ALDH1A1: variants seen among roughly 807,000 people sequenced by gnomAD.
The protein encoded by ALDH1A1 is aldehyde dehydrogenase 1 family member A1, also known as aldehyde dehydrogenase 1A1.
In ALDH1A1, 19 loss-of-function variants were observed where a neutral mutation model predicts 62.1. That is an observed-to-expected ratio of 0.31 (90% CI 0.21 to 0.45). ALDH1A1 has a LOEUF of 0.45. Among genes scored for constraint, ALDH1A1 ranks in the 20% least tolerant of loss-of-function variants. The pLI, the probability that ALDH1A1 is intolerant of heterozygous loss-of-function variation, is 1.00. For missense variants in ALDH1A1, 521 were observed against 607.1 expected (o/e 0.86, Z 1.49); for synonymous variants, 231 against 215.9 (o/e 1.07, Z -0.61).
intron 11 of ALDH1A1, among the ~76,000 whole-genome samples, chr9:72,907,680 G>A (rs1014600299): frequency 1.1e-4 from 17 of 152,198 alleles, no homozygotes; most frequent in African/African-American, 3.6e-4. Context: ...TTCTGCAAGC[G>A]TTTCCTCATG....
At position 72,924,074 on chromosome 9, in the gene ALDH1A1, G is replaced by T. The variant is rs1830175138; in HGVS notation, c.692C>A (p.Ala231Glu). Residue 231 changes from alanine (A) to glutamate (E), a missense_variant, in exon 7 of 13, where the codon GCA (alanine) becomes GAA (glutamate). By Grantham distance (107) the Ala-to-Glu change is moderately radical. Transcript: ENST00000297785. ...IVPGYGPTAGAAISSHMDIDK... is the reference protein window; with the variant it reads ...IVPGYGPTAGEAISSHMDIDK... ...TATATCCATGTGAGAAGAAATGGCT[G>T]CCCCTGCTGTAGGCCCATAACCAGG... The T allele has an allele frequency of 6.2e-7, 1 of 1,613,064 alleles. No homozygotes were observed. Among genetic ancestry groups the T allele is most frequent in the Admixed American group, 1.7e-5 (1 of 59,920 alleles).
At chr9:72,914,507 A>G (rs7871253) in intron 9 of ALDH1A1, among the ~76,000 whole-genome samples, 5,493 of 152,258 alleles carry the variant, frequency 0.036, 323 homozygotes, top group African/African-American at 0.12. Context: ...TTTAAATCCT[A>G]TATAACTGTA....
chr9:72,927,158 A>G lies in ALDH1A1; in HGVS notation c.462T>C (p.Tyr154=). The G allele has an allele frequency of 1.2e-6, 2 of 1,607,086 alleles. No individual in the cohort carries two copies. Among genetic ancestry groups the G allele is most frequent in the East Asian group, 2.2e-5 (1 of 44,790 alleles). The change falls in exon 5 of 13, where the codon TAT becomes TAC. Residue 154 remains tyrosine (Y), a synonymous_variant. Coordinates refer to ENST00000297785, the MANE Select transcript of ALDH1A1 (RefSeq NM_000689.5). ...TIPIDGNFFT[Y]TRHEPIGVCG... ...ATACACCAATAGGTTCATGTCTTGT[A>G]TATGTAAAAAAATTTCCATCTGAAA...
chr9:72,916,247 A>T (rs1259228999), intron 9 of ALDH1A1, among the ~76,000 whole-genome samples: 1 of 152,176 alleles, frequency 6.6e-6, no homozygotes, highest in Non-Finnish European at 1.5e-5. Context: ...AAAGGGCAGG[A>T]AGAAATTCAC....
In ALDH1A1 at chr9:72,900,988, A is replaced by T; in HGVS notation, c.*220T>A. ...CATACATCCGAATTTGTCTTTTTTT[A>T]TTTAGGATAGGACTTGGGGGTCACA... On this transcript the variant is annotated 3_prime_UTR_variant, in exon 13 of 13. Transcript: ENST00000297785. 1 of 378,592 alleles carries T rather than the reference A, an allele frequency of 2.6e-6. No homozygotes were observed. Among genetic ancestry groups the T allele is most frequent in the Non-Finnish European group, 4.8e-6 (1 of 209,308 alleles). The allele number at this position is 378,592 out of a possible 1,614,324, so 23.5% of individuals were successfully genotyped here. A position where few individuals can be genotyped will look rare whatever the true frequency, so the allele number is the denominator to read the frequency against.
intron 7 of ALDH1A1, among the ~76,000 whole-genome samples, chr9:72,922,894 G>A (rs143867261): frequency 4.6e-5 from 7 of 152,072 alleles, no homozygotes; most frequent in Middle Eastern, 3.4e-3. Flanking sequence ...TTTACTCTAC[G>A]TCTGTGAAAA....
Position 72,917,087 on chromosome 9 carries a change from A to G in ALDH1A1, c.868T>C (p.Phe290Leu). 1 of 1,603,050 alleles carries G rather than the reference A, an allele frequency of 6.2e-7. No homozygotes were observed. Among genetic ancestry groups the G allele is most frequent in the Non-Finnish European group, 8.5e-7 (1 of 1,174,298 alleles). Residue 290 changes from phenylalanine to leucine, a missense_variant, in exon 9 of 13, where the codon TTT becomes CTT. Physicochemically the swap from Phe to Leu is conservative, Grantham distance 22. Coordinates refer to ENST00000297785, the MANE Select transcript of ALDH1A1 (RefSeq NM_000689.5). ...TGGTAGAATACCCCATGGTGTGCAAATTCAACAGCATTGTCCACTGCGAAG... is the reference window on the plus strand; with the variant it reads ...TGGTAGAATACCCCATGGTGTGCAAGTTCAACAGCATTGTCCACTGCGAAG... ...ADADLDNAVE[F>L]AHHGVFYHQG...
intron 7 of ALDH1A1, 49 bp downstream of exon 7, chr9:72,923,970 G>T (rs780842806): frequency 2.4e-6 from 3 of 1,249,896 alleles, no homozygotes; most frequent in Non-Finnish European, 3.4e-6. Flanking sequence ...ATACTTCATA[G>T]CTGGCAATGC....
intron 7 of ALDH1A1, among the ~76,000 whole-genome samples, chr9:72,922,310 G>A (rs1232926307): frequency 1.3e-5 from 2 of 152,124 alleles, no homozygotes; most frequent in South Asian, 2.1e-4. Context: ...CTGCTAGGAG[G>A]GGTAGAGTCA....
intron 5 of ALDH1A1, among the ~76,000 whole-genome samples, chr9:72,926,578 C>A (rs1473638544): frequency 6.6e-6 from 1 of 152,170 alleles, no homozygotes; most frequent in Non-Finnish European, 1.5e-5. Flanking sequence ...AGCCTCTTAT[C>A]TAAAGGTAAA....
chr9:72,929,409 G>C (rs528760354), intron 3 of ALDH1A1, among the ~76,000 whole-genome samples: 148 of 152,262 alleles, frequency 9.7e-4, no homozygotes, highest in African/African-American at 3.4e-3. Context: ...TGACAACTTA[G>C]TGTCAGTGAC....
At chr9:72,912,208 A>C in intron 9 of ALDH1A1, 86 bp from the exon 10 acceptor site, 1 of 1,124,930 alleles carries the variant, frequency 8.9e-7, no homozygotes, top group Admixed American at 2.5e-5. Context: ...AGGGCTTCAA[A>C]ATGCTAAAAT....
At chr9:72,939,979 A>T (rs1404626603) in intron 2 of ALDH1A1, among the ~76,000 whole-genome samples, 169 bp downstream of exon 2, 1 of 143,704 alleles carries the variant, frequency 7.0e-6, no homozygotes. Context: ...ACTACAGAGC[A>T]TTTTTTTTTT....
At chr9:72,952,864 A>T (rs1209145336) in intron 1 of ALDH1A1, 71 bp downstream of exon 1, 4 of 1,536,740 alleles carry the variant, frequency 2.6e-6, no homozygotes, top group Non-Finnish European at 1.8e-6. Flanking sequence ...ACTTAAATTG[A>T]CCTTTAATGC....
At chr9:72,950,229 C>T (rs761028451) in intron 1 of ALDH1A1, among the ~76,000 whole-genome samples, 14 of 151,860 alleles carry the variant, frequency 9.2e-5, no homozygotes, top group Non-Finnish European at 1.9e-4. Context: ...TTAGAAAATA[C>T]GTGCCTTTAT....
chr9:72,916,793 C>G, intron 9 of ALDH1A1, 127 bp downstream of exon 9: 1 of 701,698 alleles, frequency 1.4e-6, no homozygotes, highest in Non-Finnish European at 2.1e-6. Context: ...AAACACCAAA[C>G]TGGCACAGCA....
At chr9:72,942,434 A>G in intron 1 of ALDH1A1, 1 of 938,124 alleles carries the variant, frequency 1.1e-6, no homozygotes, top group Non-Finnish European at 1.3e-6. Flanking sequence ...AATAATCCCT[A>G]GGTACCCTTT....
chr9:72,905,910 T>C (rs1469155262), intron 12 of ALDH1A1, 48 bp downstream of exon 12: 2 of 1,455,486 alleles, frequency 1.4e-6, no homozygotes, highest in South Asian at 1.3e-5. Context: ...GGAATGAAAA[T>C]CATTTTCATA....
At chr9:72,941,200 A>G (rs963870156) in intron 1 of ALDH1A1, among the ~76,000 whole-genome samples, 1 of 152,176 alleles carries the variant, frequency 6.6e-6, no homozygotes, top group South Asian at 2.1e-4. Context: ...GGATTATAAC[A>G]TATATCCTAA....
Sources: gnomAD v4.1 joint callset for allele counts (sites outside exome capture counted in the v4.1 genomes callset) on GRCh38, gnomAD v4.1.1 for gene constraint, MANE v1.5 for transcripts, NCBI Gene and HGNC (gene_info 2026-07-23, HGNC 2026-07-21) for gene names.